Variants in PCDHA5 observed in about 807,000 individuals in gnomAD.
PCDHA5 encodes the protein protocadherin alpha 5, also known as protocadherin alpha-5.
PCDHA5 carries 43 observed loss-of-function variants against 61.6 expected under a neutral mutation model. The ratio of observed to expected loss-of-function variants is 0.70; its 90% CI spans 0.55 to 0.90. The LOEUF (loss-of-function observed/expected upper bound fraction) is 0.90. Among genes scored for constraint, PCDHA5 ranks in the 40% least tolerant of loss-of-function variants. PCDHA5 has a pLI of 0.00. For missense variants in PCDHA5, 1,298 were observed against 1,222.7 expected, an observed-to-expected ratio of 1.06 and a Z score of -0.92; for synonymous variants, 627 against 543.9, an observed-to-expected ratio of 1.15 and a Z score of -2.13.
intron 1 of PCDHA5, chr5:140,853,980 G>A: frequency 1.8e-6 from 1 of 544,346 alleles, no homozygotes; most frequent in Non-Finnish European, 2.4e-6. Flanking sequence ...TGAGACCAAT[G>A]TAGTGAGACT....
chr5:140,839,348 C>T (rs1169495431), intron 1 of PCDHA5, among the ~76,000 whole-genome samples: 2 of 148,576 alleles, frequency 1.3e-5, no homozygotes, highest in African/African-American at 2.5e-5. Flanking sequence ...AGGGGATCCT[C>T]CTTAGCCACC....
At chr5:140,842,966 G>A (rs1481565497) in intron 1 of PCDHA5, 7 of 1,595,016 alleles carry the variant, frequency 4.4e-6, no homozygotes, top group East Asian at 2.2e-5. Context: ...GGGCAGCAAC[G>A]TGACGCTGCA....
intron 1 of PCDHA5, among the ~76,000 whole-genome samples, chr5:140,894,564 T>C (rs1554186142): frequency 6.6e-6 from 1 of 151,978 alleles, no homozygotes; most frequent in Non-Finnish European, 1.5e-5. Context: ...GAAAAAATTA[T>C]TTTCCTTTTT....
chr5:140,929,140 C>T, intron 1 of PCDHA5: 1 of 1,614,176 alleles, frequency 6.2e-7, no homozygotes, highest in Non-Finnish European at 8.5e-7. Context: ...AGTTGAGAGA[C>T]TTTCTCAGAC....
At position 140,858,438 on chromosome 5, in the gene PCDHA5, TG is replaced by T; in HGVS notation, c.2352+34314del. ...ATTGGAGGGGACCACTCTAGGAAGG[TG>T]GGTTATTACGTTTTCATTTTCCTTT... On this transcript the variant is annotated intron_variant, in intron 1 of 3. Transcript: ENST00000529859. 1 of 1,540,928 alleles carries T rather than the reference TG, an allele frequency of 6.5e-7. No individual in the cohort carries two copies. The highest frequency in any genetic ancestry group is 8.8e-7 in the Non-Finnish European group (1 of 1,134,396).
At chr5:140,945,349 T>G (rs578151486) in intron 1 of PCDHA5, among the ~76,000 whole-genome samples, 43 of 152,144 alleles carry the variant, frequency 2.8e-4, no homozygotes, top group Non-Finnish European at 4.9e-4. Context: ...TTGGAAAAAT[T>G]AATACTGTTT....
intron 1 of PCDHA5, chr5:140,849,931 C>T (rs2150458140): frequency 1.9e-6 from 3 of 1,598,012 alleles, no homozygotes; most frequent in Non-Finnish European, 1.7e-6. Flanking sequence ...ACGGTGTCTG[C>T]GCGGGACGCT....
At chr5:140,930,416 T>C (rs1554207810) in intron 1 of PCDHA5, 1 of 151,928 alleles carries the variant, frequency 6.6e-6, no homozygotes, top group East Asian at 1.9e-4. Flanking sequence ...GAGACAGGGG[T>C]CTCACTATGT....
At chr5:140,869,471 T>A in intron 1 of PCDHA5, 1 of 1,613,696 alleles carries the variant, frequency 6.2e-7, no homozygotes, top group East Asian at 2.2e-5. Context: ...AACGTGGAGG[T>A]GAAGGACATT....
At chr5:140,843,743 A>C (rs2150365956) in intron 1 of PCDHA5, 2 of 1,536,300 alleles carry the variant, frequency 1.3e-6, no homozygotes, top group Admixed American at 3.6e-5. Context: ...TAGAACTCAT[A>C]AATTCTATTT....
rs541015740 is a variant in PCDHA5 at position 140,862,949 on chromosome 5, C to T, written c.2352+38822C>T. 3 of 542,876 alleles carry T rather than the reference C, an allele frequency of 5.5e-6. No individual in the cohort carries two copies. In the Admixed American group the frequency reaches 5.9e-5, roughly 11 times the overall value. The allele number at this position is 542,876 out of a possible 1,614,324, so 33.6% of individuals were successfully genotyped here. A position where few individuals can be genotyped will look rare whatever the true frequency, so the allele number is the denominator to read the frequency against. On this transcript the variant is annotated intron_variant, in intron 1 of 3. Transcript: ENST00000529859. The stretch of plus-strand genomic sequence containing the variant: ...TGGCGGCGCTGTGAGTGAGCTGGTG[C>T]GGTATTCAGTGGATGCAGGCCACTT...
chr5:140,942,906 G>A (rs1454697434), intron 1 of PCDHA5, among the ~76,000 whole-genome samples: 1 of 151,800 alleles, frequency 6.6e-6, no homozygotes, highest in South Asian at 2.1e-4. Flanking sequence ...CTAAGAATAA[G>A]CGTGAAGAAA....
At chr5:140,980,347 C>G (rs1329268780) in intron 2 of PCDHA5, among the ~76,000 whole-genome samples, 2 of 152,132 alleles carry the variant, frequency 1.3e-5, no homozygotes, top group African/African-American at 4.8e-5. Context: ...ACATAACTTC[C>G]TGGACTGGGC....
intron 1 of PCDHA5, chr5:140,856,273 G>A (rs1554148468): frequency 6.3e-7 from 1 of 1,598,340 alleles, no homozygotes; most frequent in Admixed American, 1.7e-5. Context: ...ACCTTCTGGA[G>A]GTAAATCTGC....
chr5:140,925,499 T>C (rs2082524680), intron 1 of PCDHA5, among the ~76,000 whole-genome samples: 1 of 152,018 alleles, frequency 6.6e-6, no homozygotes, highest in African/African-American at 2.4e-5. Flanking sequence ...ACTGTCCCAA[T>C]ATCCACGCAA....
intron 3 of PCDHA5, among the ~76,000 whole-genome samples, chr5:140,997,458 G>A (rs1167865060): frequency 5.3e-5 from 8 of 152,070 alleles, no homozygotes; most frequent in African/African-American, 1.7e-4. Flanking sequence ...ACTGAATACT[G>A]TAGGCAATTT....
intron 1 of PCDHA5, among the ~76,000 whole-genome samples, chr5:140,941,215 C>CTTTCTTTCTTTCTTTCTT (rs2092888517): frequency 9.6e-6 from 1 of 104,510 alleles, no homozygotes; most frequent in East Asian, 2.4e-4. Flanking sequence ...TTCTTTCTTC[C>CTTTCTTTCTTTCTTTCTT]TTTCTTTCTT....
chr5:140,847,163 A>G (rs1242348309), intron 1 of PCDHA5, among the ~76,000 whole-genome samples: 1 of 149,646 alleles, frequency 6.7e-6, no homozygotes, highest in Non-Finnish European at 1.5e-5. Flanking sequence ...TTTCTGAGTA[A>G]TAAACTAAAG....
At position 140,846,681 on chromosome 5, in the gene PCDHA5, C is replaced by T. The variant is rs1425082989; in HGVS notation, c.2352+22554C>T. Reference sequence around the variant, plus strand: ...GAGCCACCGCGCCCAGCCTAAAATGCTTTCTTAGCAAGTAGAGAAGATTGT... The same window carrying T: ...GAGCCACCGCGCCCAGCCTAAAATGTTTTCTTAGCAAGTAGAGAAGATTGT... On this transcript the variant is annotated intron_variant, in intron 1 of 3. Coordinates refer to ENST00000529859, the MANE Select transcript of PCDHA5 (RefSeq NM_018908.3). Among the ~76,000 whole-genome samples, 2 of 149,174 alleles carry T rather than the reference C, an allele frequency of 1.3e-5. 1 individual carries two copies. The highest frequency in any genetic ancestry group is 1.3e-4 in the Admixed American group (2 of 14,874).
Sources: allele counts gnomAD v4.1 joint callset (sites outside exome capture counted in the v4.1 genomes callset), GRCh38; gene constraint gnomAD v4.1.1; transcripts MANE v1.5; gene names NCBI Gene and HGNC (gene_info 2026-07-23, HGNC 2026-07-21).